Variants in BAZ1A observed in about 807,000 individuals in gnomAD.
BAZ1A encodes bromodomain adjacent to zinc finger domain 1A.
BAZ1A carries 50 observed loss-of-function variants against 185.2 expected under a neutral mutation model. The ratio of observed to expected loss-of-function variants is 0.27; its 90% CI spans 0.22 to 0.34. The LOEUF (loss-of-function observed/expected upper bound fraction) is 0.34, where lower values mean the gene tolerates loss of function less well. Ranked by LOEUF, BAZ1A falls within the 10% of genes least tolerant of loss-of-function variation. The probability of loss-of-function intolerance (pLI) is 1.00; values close to 1 mark genes in which losing one functional copy is unlikely to be tolerated. For synonymous variants in BAZ1A, 571 were observed against 615.6 expected (o/e 0.93, Z 1.07); for missense variants, 1,356 against 1,839.9 (o/e 0.74, Z 4.81).
chr14:34,757,651 C>A (rs1000067614), intron 25 of BAZ1A, among the ~76,000 whole-genome samples: 1 of 151,460 alleles, frequency 6.6e-6, no homozygotes, highest in Non-Finnish European at 1.5e-5. Context: ...GGGACAAAAG[C>A]AAGACTTTGT....
At chr14:34,784,674 C>A (rs142783433) in intron 14 of BAZ1A, among the ~76,000 whole-genome samples, 2,999 of 151,552 alleles carry the variant, frequency 0.02, 38 homozygotes, top group South Asian at 0.039. Flanking sequence ...CCCGCCACCA[C>A]GCCTAGCTAA....
rs1477784511 is a variant in BAZ1A, at chr14:34,860,655, C to T, written c.392+1389G>A. 3.3e-4 allele frequency among the ~76,000 whole-genome samples: 50 copies of T among 151,850 alleles called. 1 individual carries two copies. The highest frequency in any genetic ancestry group is 3.3e-3 in the Admixed American group (50 of 15,246). ...AGCGCAGTGGCTTACACCTGTAATCCCAGCACTTTGAGAGGCCAAGGTGGG... is the reference window on the plus strand; with the variant it reads ...AGCGCAGTGGCTTACACCTGTAATCTCAGCACTTTGAGAGGCCAAGGTGGG... On this transcript the variant is annotated intron_variant, in intron 3 of 26. Transcript: ENST00000360310.
chr14:34,873,444 G>C (rs1377535656), intron 2 of BAZ1A, among the ~76,000 whole-genome samples: 7 of 152,226 alleles, frequency 4.6e-5, no homozygotes, highest in Non-Finnish European at 8.8e-5. Context: ...CCGTGTCACA[G>C]GACTAGATCT....
At chr14:34,803,550 G>A (rs1482491573) in intron 6 of BAZ1A, among the ~76,000 whole-genome samples, 1 of 151,976 alleles carries the variant, frequency 6.6e-6, no homozygotes, top group Non-Finnish European at 1.5e-5. Flanking sequence ...CCTCAAGAAT[G>A]GTTGTACAGT....
chr14:34,764,703 T>C lies in BAZ1A; in HGVS notation c.3776+4A>G. ...GACTCATTTTATTGCATGTTAGGAC[T>C]TACCTGACTTCTTCCTCTTCTTGAG... On this transcript the variant is annotated splice_donor_region_variant and intron_variant, in intron 23 of 26. Coordinates refer to ENST00000360310, the MANE Select transcript of BAZ1A (RefSeq NM_013448.3). 1 of 1,596,906 alleles carries C rather than the reference T, an allele frequency of 6.3e-7. No individual in the cohort carries two copies. The highest frequency in any genetic ancestry group is 8.5e-7 in the Non-Finnish European group (1 of 1,170,636).
At chr14:34,858,378 CTGAG>C (rs2042715918) in intron 3 of BAZ1A, among the ~76,000 whole-genome samples, 3 of 152,234 alleles carry the variant, frequency 2.0e-5, no homozygotes, top group East Asian at 3.9e-4. Flanking sequence ...CCTCAGCCTC[CTGAG>C]TAACTGGAAT....
In BAZ1A at chr14:34,857,985, T is replaced by G. The variant is rs918696688; in HGVS notation, c.392+4059A>C. On this transcript the variant is annotated intron_variant, in intron 3 of 26. Coordinates refer to ENST00000360310, the MANE Select transcript of BAZ1A (RefSeq NM_013448.3). ...CTATTTGAAATTTGTTTTGCATTAT[T>G]TATACTTCAACAAATACCTGCTCTG... Among the ~76,000 whole-genome samples, 4 of 152,216 alleles carry G rather than the reference T, an allele frequency of 2.6e-5. No homozygotes were observed. The East Asian group carries it at 7.7e-4, about 29-fold the overall frequency.
intron 3 of BAZ1A, among the ~76,000 whole-genome samples, chr14:34,832,158 ATGTG>A (rs532022627): frequency 2.1e-4 from 31 of 147,548 alleles, no homozygotes; most frequent in East Asian, 1.4e-3. Flanking sequence ...GTATGTATGT[ATGTG>A]TATGTGTGTA....
chr14:34,823,585 G>C (rs930220705), intron 4 of BAZ1A, among the ~76,000 whole-genome samples: 4 of 151,624 alleles, frequency 2.6e-5, no homozygotes, highest in Non-Finnish European at 4.4e-5. Context: ...ACTTGAACCC[G>C]AGAGATGGGG....
chr14:34,833,600 CA>C (rs2042284880), intron 3 of BAZ1A, among the ~76,000 whole-genome samples: 3 of 151,872 alleles, frequency 2.0e-5, no homozygotes, highest in Non-Finnish European at 4.4e-5. Flanking sequence ...CACAAAAGGA[CA>C]AATATATGAT....
At chr14:34,857,543 A>G (rs950051140) in intron 3 of BAZ1A, among the ~76,000 whole-genome samples, 1 of 152,218 alleles carries the variant, frequency 6.6e-6, no homozygotes, top group African/African-American at 2.4e-5. Flanking sequence ...TTTCCCACAC[A>G]TTCCCCTGCC....
rs1211771562 is a variant in BAZ1A at position 34,769,678 on chromosome 14, C to T, written c.3301+1833G>A. On this transcript the variant is annotated intron_variant, in intron 21 of 26. Transcript: ENST00000360310. ...AGTGGGAAAATAAGCAATATTGTGT[C>T]TTATCCTTTTACTCTTTTGGAATCA... Among the ~76,000 whole-genome samples the T allele has an allele frequency of 2.6e-5, 4 of 152,234 alleles. No homozygotes were observed. In the South Asian group the frequency reaches 6.2e-4, roughly 24 times the overall value.
chr14:34,754,190 T>C (rs2138515544), intron 26 of BAZ1A, among the ~76,000 whole-genome samples: 1 of 149,620 alleles, frequency 6.7e-6, no homozygotes, highest in Non-Finnish European at 1.5e-5. Flanking sequence ...AGGCAGAGGT[T>C]GCAGTGAGCT....
At chr14:34,798,345 A>T (rs1387876892) in intron 9 of BAZ1A, among the ~76,000 whole-genome samples, 2 of 152,214 alleles carry the variant, frequency 1.3e-5, no homozygotes, top group Non-Finnish European at 2.9e-5. Flanking sequence ...ATGGTTTTTG[A>T]ACTCTGAGAA....
At chr14:34,843,200 T>C (rs547793233) in intron 3 of BAZ1A, among the ~76,000 whole-genome samples, 1 of 152,232 alleles carries the variant, frequency 6.6e-6, no homozygotes, top group African/African-American at 2.4e-5. Context: ...TAAAATTTAC[T>C]GAGTTCCTTA....
At chr14:34,803,080 C>T in intron 6 of BAZ1A, 92 bp from the exon 7 acceptor site, 1 of 1,326,946 alleles carries the variant, frequency 7.5e-7, no homozygotes, top group Non-Finnish European at 1.1e-6. Flanking sequence ...ACTATTAATG[C>T]TGTTAAAAGA....
At chr14:34,844,203 C>T (rs2042465502) in intron 3 of BAZ1A, among the ~76,000 whole-genome samples, 1 of 54,856 alleles carries the variant, frequency 1.8e-5, no homozygotes, top group African/African-American at 8.3e-5. Context: ...GAGACTCCGT[C>T]TCAAAAAAAA....
At chr14:34,839,601 T>C (rs545770207) in intron 3 of BAZ1A, among the ~76,000 whole-genome samples, 41 of 150,102 alleles carry the variant, frequency 2.7e-4, no homozygotes, top group Non-Finnish European at 5.0e-4. Context: ...CCCAGCACTT[T>C]GGGAGGCCAA....
At chr14:34,806,185 T>G (rs1232505303) in intron 6 of BAZ1A, among the ~76,000 whole-genome samples, 1 of 152,214 alleles carries the variant, frequency 6.6e-6, no homozygotes, top group Non-Finnish European at 1.5e-5. Flanking sequence ...TCATTCTTTT[T>G]TTTAAAGTTT....
Sources: gnomAD v4.1 joint callset for allele counts (sites outside exome capture counted in the v4.1 genomes callset) on GRCh38, gnomAD v4.1.1 for gene constraint, MANE v1.5 for transcripts, NCBI Gene and HGNC (gene_info 2026-07-23, HGNC 2026-07-21) for gene names.